Variants in CASQ2 observed in about 807,000 individuals in gnomAD.
CASQ2 encodes the protein calsequestrin 2.
In CASQ2, 49 loss-of-function variants were observed where a neutral mutation model predicts 46.5. The ratio of observed to expected loss-of-function variants is 1.05; its 90% confidence interval spans 0.84 to 1.34. CASQ2 has a LOEUF of 1.34. Ranked by LOEUF, CASQ2 falls within the 40% of genes most tolerant of loss-of-function variation. The pLI is 0.00. For synonymous variants in CASQ2, 174 were observed against 168.5 expected (o/e 1.03, Z -0.25); for missense variants, 486 against 481.3 (o/e 1.01, Z -0.09).
intron 1 of CASQ2, among the ~76,000 whole-genome samples, chr1:115,765,456 G>A (rs1649103634): frequency 6.6e-6 from 1 of 152,270 alleles, no homozygotes; most frequent in South Asian, 2.1e-4. Context: ...AGTGTGAGGA[G>A]CTATGAGTTT....
At chr1:115,761,896 A>T (rs950552365) in intron 1 of CASQ2, among the ~76,000 whole-genome samples, 25 of 152,186 alleles carry the variant, frequency 1.6e-4, no homozygotes, top group African/African-American at 5.1e-4. Flanking sequence ...AGCACAGGAA[A>T]ATTGGTTTGC....
intron 8 of CASQ2, among the ~76,000 whole-genome samples, chr1:115,707,663 T>G (rs1654404266): frequency 1.3e-5 from 2 of 152,146 alleles, no homozygotes; most frequent in Non-Finnish European, 2.9e-5. Context: ...TCTGTAGAGA[T>G]AGAAATCATA....
At chr1:115,742,568 G>T (rs7554488) in intron 2 of CASQ2, among the ~76,000 whole-genome samples, 1 of 151,968 alleles carries the variant, frequency 6.6e-6, no homozygotes, top group Admixed American at 6.5e-5. Context: ...TGTATCAAGC[G>T]CCATCATATT....
chr1:115,724,615 G>C (rs984590232), intron 7 of CASQ2, among the ~76,000 whole-genome samples: 6 of 152,176 alleles, frequency 3.9e-5, no homozygotes, highest in African/African-American at 1.2e-4. Context: ...TTATCTCCAA[G>C]GCCCTCTATC....
intron 8 of CASQ2, among the ~76,000 whole-genome samples, chr1:115,713,998 G>A (rs952862156): frequency 1.3e-5 from 2 of 152,148 alleles, no homozygotes; most frequent in East Asian, 1.9e-4. Context: ...AAGGAGGATC[G>A]AATGATCACT....
rs1001052308 is a variant in CASQ2 at position 115,726,935 on chromosome 1, G to A, written c.737+57C>T. Reference sequence around the variant, plus strand: ...AGGTCTGAAATGTTAGCACAGAGAGGCTCCTCTCCATTCCCCAGACCCCAG... The same window carrying A: ...AGGTCTGAAATGTTAGCACAGAGAGACTCCTCTCCATTCCCCAGACCCCAG... On this transcript the variant is annotated intron_variant, in intron 6 of 10. Coordinates refer to ENST00000261448, the MANE Select transcript of CASQ2 (RefSeq NM_001232.4). The A allele has an allele frequency of 3.6e-6, 5 of 1,378,762 alleles. No homozygotes were observed. The Admixed American group carries it at 7.5e-5, about 21-fold the overall frequency. 85.4% of individuals were successfully genotyped at this position (1,378,762 alleles called of 1,614,324 possible).
chr1:115,756,873 G>A (rs1648781409), intron 1 of CASQ2, among the ~76,000 whole-genome samples: 1 of 152,168 alleles, frequency 6.6e-6, no homozygotes, highest in African/African-American at 2.4e-5. Flanking sequence ...CTTGAACCCG[G>A]GAGGCAGAGG....
intron 9 of CASQ2, among the ~76,000 whole-genome samples, chr1:115,704,531 A>G (rs950936756): frequency 1.3e-5 from 2 of 152,236 alleles, no homozygotes; most frequent in Non-Finnish European, 2.9e-5. Flanking sequence ...AGCTATGCTT[A>G]TTATCAGTAC....
intron 1 of CASQ2, among the ~76,000 whole-genome samples, chr1:115,760,298 C>T (rs773604869): frequency 4.6e-5 from 7 of 152,208 alleles, no homozygotes; most frequent in Non-Finnish European, 8.8e-5. Flanking sequence ...AATGTGCCTA[C>T]AAACGACACA....
intron 7 of CASQ2, among the ~76,000 whole-genome samples, chr1:115,719,657 G>C (rs538407008): frequency 6.0e-4 from 91 of 152,308 alleles, no homozygotes; most frequent in Middle Eastern, 6.8e-3. Flanking sequence ...GCCAGCGCTA[G>C]GTGCCAGGCA....
In CASQ2 at chr1:115,740,909, G is replaced by T. The variant is rs1163585796; in HGVS notation, c.320-81C>A. Reference sequence around the variant, plus strand: ...TGTATTGGCTGAGGTCTGGCTGAGGGTTTCTGGGTGACAGTGGGGTCAGGA... The same window carrying T: ...TGTATTGGCTGAGGTCTGGCTGAGGTTTTCTGGGTGACAGTGGGGTCAGGA... On this transcript the variant is annotated intron_variant, in intron 2 of 10. Coordinates refer to ENST00000261448, the MANE Select transcript of CASQ2 (RefSeq NM_001232.4). The T allele has an allele frequency of 4.4e-6, 4 of 910,858 alleles. No homozygotes were observed. In the African/African-American group the frequency reaches 4.9e-5, roughly 11 times the overall value. The allele number at this position is 910,858 out of a possible 1,614,324, so 56.4% of individuals were successfully genotyped here.
chr1:115,723,925 C>T (rs2101075488), intron 7 of CASQ2, among the ~76,000 whole-genome samples: 1 of 152,298 alleles, frequency 6.6e-6, no homozygotes, highest in African/African-American at 2.4e-5. Context: ...TAGTCCGCTC[C>T]TCTGGACTGG....
chr1:115,759,235 A>G (rs1269252899), intron 1 of CASQ2, among the ~76,000 whole-genome samples: 1 of 152,162 alleles, frequency 6.6e-6, no homozygotes, highest in Non-Finnish European at 1.5e-5. Flanking sequence ...TTTATTCCCA[A>G]TATGGTAGTG....
chr1:115,713,106 C>T (rs1401037660), intron 8 of CASQ2, among the ~76,000 whole-genome samples: 5 of 152,056 alleles, frequency 3.3e-5, no homozygotes, highest in African/African-American at 1.2e-4. Flanking sequence ...CTTGTTAGCG[C>T]TAATATTCCC....
chr1:115,738,114 C>G (rs1211195984), intron 4 of CASQ2, 110 bp downstream of exon 4: 1 of 778,048 alleles, frequency 1.3e-6, no homozygotes, highest in Non-Finnish European at 2.4e-6. Context: ...AACTTCTATT[C>G]TACCCAGCAA....
chr1:115,724,783 A>T (rs868087972), intron 7 of CASQ2, among the ~76,000 whole-genome samples: 1 of 152,338 alleles, frequency 6.6e-6, no homozygotes, highest in Admixed American at 6.5e-5. Flanking sequence ...CCAATTTTAG[A>T]TGAGGAAATT....
Position 115,740,737 on chromosome 1 carries a change from G to A in CASQ2, c.411C>T (p.Phe137=), listed in dbSNP as rs774939881. The A allele has an allele frequency of 6.2e-7, 1 of 1,605,348 alleles. No individual in the cohort carries two copies. Among genetic ancestry groups the A allele is most frequent in the South Asian group, 1.1e-5 (1 of 90,920 alleles). ...GTGTATAAATACTTACATCCAAGAG[G>A]AACTCCACCAAGACATCAGCTGCAA... ...GEFAADVLVE[F]LLDLIEDPVE... Residue 137 remains phenylalanine, a synonymous_variant, in exon 3 of 11, where the codon TTC becomes TTT. Coordinates refer to ENST00000261448, the MANE Select transcript of CASQ2 (RefSeq NM_001232.4).
chr1:115,765,716 A>G (rs1424048441), intron 1 of CASQ2, among the ~76,000 whole-genome samples: 1 of 152,042 alleles, frequency 6.6e-6, no homozygotes, highest in Non-Finnish European at 1.5e-5. Context: ...TATGATAAAA[A>G]GTGTCAGAAG....
At chr1:115,761,672 G>T (rs970729351) in intron 1 of CASQ2, among the ~76,000 whole-genome samples, 1 of 151,420 alleles carries the variant, frequency 6.6e-6, no homozygotes, top group Non-Finnish European at 1.5e-5. Flanking sequence ...AAGGAAGAAG[G>T]AAGCTCAGTC....
Sources: gnomAD v4.1 joint callset for allele counts (sites outside exome capture counted in the v4.1 genomes callset) on GRCh38, gnomAD v4.1.1 for gene constraint, MANE v1.5 for transcripts, NCBI Gene and HGNC (gene_info 2026-07-23, HGNC 2026-07-21) for gene names.